CACNA1A: variants seen among roughly 807,000 people sequenced by gnomAD.
CACNA1A encodes the protein voltage-dependent P/Q-type calcium channel subunit alpha-1A.
Under a neutral mutation model 262.4 loss-of-function variants are expected in CACNA1A, and 57 were observed. That is an observed-to-expected ratio of 0.22 (90% CI 0.18 to 0.27). The LOEUF (loss-of-function observed/expected upper bound fraction) is 0.27. CACNA1A is among the 10% of genes least tolerant of loss of function. The pLI, the probability that CACNA1A is intolerant of heterozygous loss-of-function variation, is 1.00. For synonymous variants in CACNA1A, 1,431 were observed against 1,419.3 expected (o/e 1.01, Z -0.18); for missense variants, 2,526 against 3,562.8 (o/e 0.71, Z 7.41).
intron 19 of CACNA1A, among the ~76,000 whole-genome samples, chr19:13,288,745 C>T (rs2057465093): frequency 6.6e-6 from 1 of 152,120 alleles, no homozygotes. Flanking sequence ...CCCTGGACAA[C>T]ACAGCCCTGG....
chr19:13,265,500 T>A (rs74628905), intron 24 of CACNA1A, among the ~76,000 whole-genome samples: 24 of 151,826 alleles, frequency 1.6e-4, no homozygotes, highest in African/African-American at 5.1e-4. Context: ...ACTCTGAACC[T>A]TTTTTTTTCT....
At chr19:13,219,963 A>AAAAG (rs1288578398) in intron 38 of CACNA1A, among the ~76,000 whole-genome samples, 1 of 147,202 alleles carries the variant, frequency 6.8e-6, no homozygotes, top group South Asian at 2.1e-4. Flanking sequence ...AAAAAAAAAA[A>AAAAG]AAAGAAAGAA....
At chr19:13,447,831 A>G (rs2060843504) in intron 3 of CACNA1A, among the ~76,000 whole-genome samples, 1 of 152,146 alleles carries the variant, frequency 6.6e-6, no homozygotes, top group Non-Finnish European at 1.5e-5. Context: ...ACTCTTTCCA[A>G]CTTCTTCTGC....
chr19:13,239,594 T>G (rs1848062630), intron 31 of CACNA1A, among the ~76,000 whole-genome samples: 1 of 152,054 alleles, frequency 6.6e-6, no homozygotes, highest in African/African-American at 2.4e-5. Context: ...AGGGAAGGGA[T>G]GATTCCAGGG....
Position 13,207,603 on chromosome 19 carries a change from G to A in CACNA1A, c.7231C>T (p.Arg2411Trp). The A allele has an allele frequency of 5.4e-6, 8 of 1,482,428 alleles. No individual in the cohort carries two copies. Among genetic ancestry groups the A allele is most frequent in the South Asian group, 2.5e-5 (2 of 79,218 alleles). 91.8% of individuals were successfully genotyped at this position (1,482,428 alleles called of 1,614,324 possible). A position where few individuals can be genotyped will look rare whatever the true frequency, so the allele number is the denominator to read the frequency against. ...TCGGCCTCGTCGTAGTCGGAGCCCC[G>A]GTAGTAGCCATGGTGCCGGGGACCC... ...PPGPRHHGYY[R>W]GSDYDEADGP... The change falls in exon 47 of 47, where the codon CGG (arginine) becomes TGG (tryptophan). Residue 2411 changes from arginine to tryptophan, a missense_variant. Transcript: ENST00000360228. This position sits in a 1 kb window ranked among gnomAD's most constrained non-coding sequence, Gnocchi z 5.7.
chr19:13,212,070 G>T lies in CACNA1A; in HGVS notation c.6303+33C>A, dbSNP rs754665103. 6.7e-7 allele frequency: 1 copy of T among 1,497,742 alleles called. No homozygotes were observed. Among genetic ancestry groups the T allele is most frequent in the East Asian group, 2.3e-5 (1 of 44,364 alleles). The allele number at this position is 1,497,742 out of a possible 1,614,324, so 92.8% of individuals were successfully genotyped here. ...GGCCCTACCCAGTGCAGAGTGAGGG[G>T]TCCAGCCCCAGGGCAGTGGTGAAAG... On this transcript the variant is annotated intron_variant, in intron 43 of 46. Transcript: ENST00000360228. This position sits in a 1 kb window ranked among gnomAD's most constrained non-coding sequence, Gnocchi z 5.6.
At position 13,338,272 on chromosome 19, in the gene CACNA1A, CTG is replaced by C. The variant is rs145190920; in HGVS notation, c.979-2365_979-2364del. ...TAGTAAAAATACTGTATGATAATCA[CTG>C]TTATGTATTCGGTCCATTATGGGAC... On this transcript the variant is annotated intron_variant, in intron 6 of 46. Coordinates refer to ENST00000360228, the MANE Select transcript of CACNA1A (RefSeq NM_001127222.2). Among the ~76,000 whole-genome samples the C allele has an allele frequency of 3.3e-3, 497 of 151,720 alleles. 3 individuals carry two copies. Among genetic ancestry groups the C allele is most frequent in the African/African-American group, 0.011 (467 of 41,494 alleles).
intron 5 of CACNA1A, chr19:13,364,121 G>C (rs62111185): frequency 0.054 from 8,183 of 152,352 alleles, 411 homozygotes; most frequent in East Asian, 0.2. Flanking sequence ...CCACTGAAGG[G>C]TTAATGTGGG....
chr19:13,455,796 G>C (rs1405535114), intron 1 of CACNA1A, among the ~76,000 whole-genome samples: 1 of 150,962 alleles, frequency 6.6e-6, no homozygotes, highest in East Asian at 1.9e-4. Flanking sequence ...CTTGAGCCGA[G>C]GAGGTAGAGG....
intron 1 of CACNA1A, 47 bp from the exon 2 acceptor site, chr19:13,455,259 T>C: frequency 8.3e-7 from 1 of 1,198,476 alleles, no homozygotes; most frequent in Non-Finnish European, 1.2e-6. Flanking sequence ...AAGAAGGGTG[T>C]TGGAGGTGCA....
At chr19:13,221,166 C>A (rs2055201127) in intron 38 of CACNA1A, among the ~76,000 whole-genome samples, 1 of 142,528 alleles carries the variant, frequency 7.0e-6, no homozygotes, top group Non-Finnish European at 1.5e-5. Context: ...GTGGGACTAT[C>A]CACCTGCTCC....
Position 13,506,423 on chromosome 19 carries a change from C to G in CACNA1A, c.-199G>C, listed in dbSNP as rs1160311708. On this transcript the variant is annotated 5_prime_UTR_variant, in exon 1 of 47. Coordinates refer to ENST00000360228, the MANE Select transcript of CACNA1A (RefSeq NM_001127222.2). Reference sequence around the variant, plus strand: ...CTCGGGTCGGGGGCTCAGAAGGCGGCTGCCCGGGCCGAGCCGGGGATAGCA... The same window carrying G: ...CTCGGGTCGGGGGCTCAGAAGGCGGGTGCCCGGGCCGAGCCGGGGATAGCA... The G allele has an allele frequency of 2.6e-6, 1 of 388,790 alleles. No homozygotes were observed. The highest frequency in any genetic ancestry group is 4.5e-6 in the Non-Finnish European group (1 of 224,190). The allele number at this position is 388,790 out of a possible 1,614,324, so 24.1% of individuals were successfully genotyped here. A position where few individuals can be genotyped will look rare whatever the true frequency, so the allele number is the denominator to read the frequency against.
intron 5 of CACNA1A, among the ~76,000 whole-genome samples, chr19:13,360,077 T>C (rs1474263673): frequency 6.6e-6 from 1 of 151,576 alleles, no homozygotes; most frequent in Non-Finnish European, 1.5e-5. Flanking sequence ...ATGGATTAAC[T>C]GCCTTTAAGG....
intron 1 of CACNA1A, among the ~76,000 whole-genome samples, chr19:13,488,792 G>A (rs141030551): frequency 5.3e-5 from 8 of 151,888 alleles, no homozygotes; most frequent in Admixed American, 3.3e-4. Flanking sequence ...GAGCAGGTCT[G>A]GGGTAGGGGA....
chr19:13,376,091 T>G (rs1391936953), intron 3 of CACNA1A, among the ~76,000 whole-genome samples: 4 of 152,156 alleles, frequency 2.6e-5, no homozygotes, highest in African/African-American at 7.2e-5. Context: ...TCATGAGGTT[T>G]AAGGAAAGAA....
chr19:13,286,413 T>G, intron 20 of CACNA1A, 90 bp downstream of exon 20: 10 of 552,304 alleles, frequency 1.8e-5, no homozygotes, highest in Non-Finnish European at 3.1e-5. Context: ...GCCAGAGAGA[T>G]GGGGTCACAG....
In CACNA1A at chr19:13,381,510, CT is replaced by C. The variant is rs150275213; in HGVS notation, c.540-9732del. On this transcript the variant is annotated intron_variant, in intron 3 of 46. Coordinates refer to ENST00000360228, the MANE Select transcript of CACNA1A (RefSeq NM_001127222.2). ...AAAGGCCACATGTGGCCAGCGGTGA[CT>C]GTATCAAACAGCACAAGTGCAGAGA... Among the ~76,000 whole-genome samples, 89 of 152,278 alleles carry C rather than the reference CT, an allele frequency of 5.8e-4. 1 individual carries two copies. Among genetic ancestry groups the C allele is most frequent in the South Asian group, 1.5e-3 (7 of 4,822 alleles).
chr19:13,497,554 ATATATATATATATATATATAT>A (rs1981814599), intron 1 of CACNA1A, among the ~76,000 whole-genome samples: 3 of 62,608 alleles, frequency 4.8e-5, no homozygotes, highest in East Asian at 5.9e-4. Context: ...ATATATATAT[ATATATATATATATATATATAT>A]ATATAAATTT....
chr19:13,214,570 T>C lies in CACNA1A; in HGVS notation c.5770A>G (p.Lys1924Glu). ...DKQQMDAELRKEMMAIWPNLS... is the reference protein window; with the variant it reads ...DKQQMDAELREEMMAIWPNLS... ...TTGGGCCAAATCGCCATCATCTCCT[T>C]CCGCAGCTCAGCGTCCATCTGCTGT... is the stretch of plus-strand genomic sequence containing the variant. The change falls in exon 39 of 47, where the codon AAG (lysine) becomes GAG (glutamate). Residue 1924 changes from lysine to glutamate, a missense_variant. Physicochemically the swap from Lys to Glu is moderately conservative, Grantham distance 56. Around this residue, in one of 17 missense-constraint regions of CACNA1A, gnomAD observed 112 missense variants for 197.2 expected, o/e 0.57. Transcript: ENST00000360228. This position sits in a 1 kb window ranked among gnomAD's most constrained non-coding sequence, Gnocchi z 4.1. The C allele has an allele frequency of 6.2e-7, 1 of 1,613,968 alleles. No homozygotes were observed. The highest frequency in any genetic ancestry group is 8.5e-7 in the Non-Finnish European group (1 of 1,179,870).
Sources: allele counts gnomAD v4.1 joint callset (sites outside exome capture counted in the v4.1 genomes callset), GRCh38; gene constraint gnomAD v4.1.1; regional missense constraint gnomAD v4.1.1; non-coding constraint Gnocchi (gnomAD v3.1); transcripts MANE v1.5; gene names NCBI Gene and HGNC (gene_info 2026-07-23, HGNC 2026-07-21).